The following CDH11 variants were observed in gnomAD, a reference collection of about 807,000 sequenced individuals.
The protein encoded by CDH11 is cadherin 11.
A neutral mutation model predicts 67.8 loss-of-function variants in CDH11; 11 were observed. The ratio of observed to expected loss-of-function variants is 0.16; its 90% CI spans 0.10 to 0.27. The LOEUF (loss-of-function observed/expected upper bound fraction) is 0.27, where lower values mean the gene tolerates loss of function less well. Among genes scored for constraint, CDH11 ranks in the 10% least tolerant of loss-of-function variants. CDH11 has a pLI of 1.00. For synonymous variants in CDH11, 419 were observed against 400.0 expected (o/e 1.05, Z -0.57); for missense variants, 847 against 1,031.2 (o/e 0.82, Z 2.45).
chr16:65,067,227 G>A (rs2074327585), intron 1 of CDH11, among the ~76,000 whole-genome samples: 1 of 151,396 alleles, frequency 6.6e-6, no homozygotes, highest in Non-Finnish European at 1.5e-5. Flanking sequence ...GACGAATCCA[G>A]GAGTTAAATG....
chr16:65,094,865 C>T (rs1057499832), intron 1 of CDH11: 1 of 152,070 alleles, frequency 6.6e-6, no homozygotes, highest in Non-Finnish European at 1.5e-5. Context: ...ACATGTGGCA[C>T]CTTGATCCCG....
chr16:65,009,255 AAAAG>A (rs2073127116), intron 2 of CDH11, among the ~76,000 whole-genome samples: 1 of 152,166 alleles, frequency 6.6e-6, no homozygotes, highest in African/African-American at 2.4e-5. Flanking sequence ...ATCCAAACCA[AAAAG>A]AAAGAAAAAG....
At chr16:65,119,340 T>C (rs2075288900) in intron 1 of CDH11, among the ~76,000 whole-genome samples, 1 of 152,086 alleles carries the variant, frequency 6.6e-6, no homozygotes, top group Non-Finnish European at 1.5e-5. Flanking sequence ...AGAGGGAACA[T>C]GAGTTCTAAG....
intron 2 of CDH11, among the ~76,000 whole-genome samples, chr16:65,028,461 C>T (rs1343695905): frequency 2.0e-5 from 3 of 152,120 alleles, no homozygotes; most frequent in African/African-American, 7.2e-5. Flanking sequence ...AACAGATCTA[C>T]ACCCTTAGAG....
chr16:64,945,400 T>A lies in CDH11; in HGVS notation c.*2203A>T, dbSNP rs1015973791. 5.8e-6 allele frequency: 6 copies of A among 1,033,962 alleles called. No individual in the cohort carries two copies. Among genetic ancestry groups the A allele is most frequent in the Non-Finnish European group, 7.0e-6 (6 of 859,506 alleles). 64.0% of individuals were successfully genotyped at this position (1,033,962 alleles called of 1,614,324 possible). On this transcript the variant is annotated 3_prime_UTR_variant, in exon 13 of 13. Transcript: ENST00000268603. ...AGACTTCAACATAAAAATGCGAAAATGTAGTTGTCATCTCTAATCCAAATA... is the reference window on the plus strand; with the variant it reads ...AGACTTCAACATAAAAATGCGAAAAAGTAGTTGTCATCTCTAATCCAAATA...
intron 2 of CDH11, among the ~76,000 whole-genome samples, chr16:65,031,534 C>T (rs112463928): frequency 6.6e-6 from 1 of 152,076 alleles, no homozygotes; most frequent in Admixed American, 6.6e-5. Context: ...AAGTCAAATG[C>T]TCAAGGTGAG....
intron 1 of CDH11, among the ~76,000 whole-genome samples, chr16:65,061,824 T>A (rs2074239496): frequency 6.6e-6 from 1 of 152,198 alleles, no homozygotes; most frequent in African/African-American, 2.4e-5. Context: ...TTATTGAGAA[T>A]TTCCAATGGA....
chr16:65,045,759 G>T (rs1004811371), intron 2 of CDH11, among the ~76,000 whole-genome samples: 14 of 152,102 alleles, frequency 9.2e-5, no homozygotes, highest in African/African-American at 2.7e-4. Context: ...GAATGGCCAA[G>T]AAGTAATTCC....
intron 6 of CDH11, among the ~76,000 whole-genome samples, chr16:64,990,654 TC>T (rs1167210107): frequency 6.6e-6 from 1 of 152,060 alleles, no homozygotes; most frequent in African/African-American, 2.4e-5. Context: ...AAATGTAGGC[TC>T]CTGCAGAGAT....
intron 7 of CDH11, chr16:64,986,437 A>G (rs1365419399): frequency 6.6e-6 from 1 of 152,082 alleles, no homozygotes; most frequent in Non-Finnish European, 1.5e-5. Flanking sequence ...TCAGAGATAC[A>G]GTGTGTGTTT....
chr16:65,099,884 T>G (rs558158960), intron 1 of CDH11, among the ~76,000 whole-genome samples: 2 of 152,042 alleles, frequency 1.3e-5, no homozygotes, highest in African/African-American at 4.8e-5. Flanking sequence ...TTCACAGTTG[T>G]GTGGAAGAGG....
chr16:64,998,831 T>A lies in CDH11; in HGVS notation c.254A>T (p.Asp85Val). 6.2e-7 allele frequency: 1 copy of A among 1,614,068 alleles called. No individual in the cohort carries two copies. The highest frequency in any genetic ancestry group is 8.5e-7 in the Non-Finnish European group (1 of 1,179,948). The change falls in exon 4 of 13, where the codon GAT becomes GTT. Residue 85 changes from aspartate (D) to valine (V), a missense_variant. Coordinates refer to ENST00000268603, the MANE Select transcript of CDH11 (RefSeq NM_001797.4). ...GRLHSDIDSG[D>V]GNIKYILSGE... The stretch of plus-strand genomic sequence containing the variant: ...TGAGAGAATGTATTTAATGTTCCCA[T>A]CACCAGAGTCAATATCTGAATGAAG...
chr16:64,992,802 C>A, intron 5 of CDH11, 113 bp downstream of exon 5: 1 of 957,300 alleles, frequency 1.0e-6, no homozygotes. Flanking sequence ...TATAGGGTAG[C>A]CCTCTGTATT....
rs533387184 is a variant in CDH11, at chr16:65,027,019, T to C, written c.-172-21978A>G. Among the ~76,000 whole-genome samples, 8 of 152,236 alleles carry C rather than the reference T, an allele frequency of 5.3e-5. No individual in the cohort carries two copies. In the East Asian group the frequency reaches 1.6e-3, roughly 30 times the overall value. On this transcript the variant is annotated intron_variant, in intron 2 of 12. Transcript: ENST00000268603. ...GTCAAAGGGATTGCTTTGGTGCCCA[T>C]GGAAAAGGAGTTACGTGGTTGTAGA...
chr16:65,108,130 C>T (rs957464383), intron 1 of CDH11, among the ~76,000 whole-genome samples: 10 of 152,142 alleles, frequency 6.6e-5, no homozygotes, highest in African/African-American at 1.9e-4. Context: ...TTCTGGCTTG[C>T]GATACAGGGC....
rs55992835 is a variant in CDH11, at chr16:64,965,771, A to AACACACAC, written c.1642+5800_1642+5807dup. On this transcript the variant is annotated intron_variant, in intron 11 of 12. Coordinates refer to ENST00000268603, the MANE Select transcript of CDH11 (RefSeq NM_001797.4). ...CAAGACATTGTTATGCGGTGCATGA[A>AACACACAC]ACACACACACACACACACACACACA... 8.7e-3 allele frequency among the ~76,000 whole-genome samples: 1,273 copies of AACACACAC among 146,006 alleles called. 5 individuals carry two copies. The highest frequency in any genetic ancestry group is 0.012 in the Non-Finnish European group (830 of 66,730).
chr16:65,011,015 G>GGGTATATATATACACACATA (rs2073168832), intron 2 of CDH11, among the ~76,000 whole-genome samples: 2 of 144,382 alleles, frequency 1.4e-5, no homozygotes, highest in African/African-American at 5.1e-5. Flanking sequence ...GTATATATAT[G>GGGTATATATATACACACATA]TGTATATATA....
At chr16:65,043,374 TA>T (rs1382279081) in intron 2 of CDH11, among the ~76,000 whole-genome samples, 5 of 151,678 alleles carry the variant, frequency 3.3e-5, no homozygotes, top group Non-Finnish European at 7.4e-5. Context: ...CCCTTTGGAA[TA>T]ACACCTGGAG....
At chr16:64,965,049 A>T (rs2071775219) in intron 11 of CDH11, among the ~76,000 whole-genome samples, 1 of 151,574 alleles carries the variant, frequency 6.6e-6, no homozygotes, top group Non-Finnish European at 1.5e-5. Flanking sequence ...TATTATTATT[A>T]TTTTTTAACC....
Sources: allele counts gnomAD v4.1 joint callset (sites outside exome capture counted in the v4.1 genomes callset), GRCh38; gene constraint gnomAD v4.1.1; transcripts MANE v1.5; gene names NCBI Gene and HGNC (gene_info 2026-07-23, HGNC 2026-07-21).